KCNQ1: variants seen among roughly 807,000 people sequenced by gnomAD.
KCNQ1 encodes potassium voltage-gated channel subfamily KQT member 1.
Under a neutral mutation model 72.4 loss-of-function variants are expected in KCNQ1, and 49 were observed. That is an observed-to-expected ratio of 0.68 (90% CI 0.54 to 0.86). The LOEUF (loss-of-function observed/expected upper bound fraction) is 0.86, where lower values mean the gene tolerates loss of function less well. Ranked by LOEUF, KCNQ1 falls within the 40% of genes least tolerant of loss-of-function variation. The pLI, the probability that KCNQ1 is intolerant of heterozygous loss-of-function variation, is 0.00. For synonymous variants in KCNQ1, 450 were observed against 412.6 expected (o/e 1.09, Z -1.10); for missense variants, 790 against 945.1 (o/e 0.84, Z 2.15).
intron 13 of KCNQ1, 25 bp from the exon 14 acceptor site, chr11:2,776,961 C>T (rs771554882): frequency 1.7e-5 from 27 of 1,612,990 alleles, no homozygotes; most frequent in African/African-American, 1.3e-5. Flanking sequence ...CAGGTGTGAA[C>T]TGGTGTCTGT....
At chr11:2,805,346 C>T (rs189498370) in intron 15 of KCNQ1, among the ~76,000 whole-genome samples, 5 of 152,230 alleles carry the variant, frequency 3.3e-5, no homozygotes, top group South Asian at 2.1e-4. Context: ...AAACTGCAGC[C>T]GACGACGGAG....
At chr11:2,753,234 C>G (rs573694142) in intron 11 of KCNQ1, among the ~76,000 whole-genome samples, 30 of 152,272 alleles carry the variant, frequency 2.0e-4, no homozygotes, top group African/African-American at 7.2e-4. Context: ...GTCACGAGAT[C>G]TTCAGTCTGT....
chr11:2,468,793 T>C lies in KCNQ1; in HGVS notation c.386+23309T>C, dbSNP rs919933790. 6.6e-6 allele frequency among the ~76,000 whole-genome samples: 1 copy of C among 152,214 alleles called. No homozygotes were observed. The highest frequency in any genetic ancestry group is 6.5e-5 in the Admixed American group (1 of 15,274). On this transcript the variant is annotated intron_variant, in intron 1 of 15. Coordinates refer to ENST00000155840, the MANE Select transcript of KCNQ1 (RefSeq NM_000218.3). This position sits in a 1 kb window ranked among gnomAD's most constrained non-coding sequence, Gnocchi z 5.7. ...CCTACTTTGCCGATCCATGCACCTG[T>C]TGATGGACATGTGGGCGGCTGTATC...
rs144090125 is a variant in KCNQ1 at position 2,808,298 on chromosome 11, G to A, written c.1794+30261G>A. Among the ~76,000 whole-genome samples, 69 of 152,354 alleles carry A rather than the reference G, an allele frequency of 4.5e-4. No individual in the cohort carries two copies. The highest frequency in any genetic ancestry group is 1.6e-3 in the African/African-American group (68 of 41,578). ...TGGAAGATAATGGAGGTGTTACGGG[G>A]ATGGGCTAGAACTCGGTCCTGGCAT... On this transcript the variant is annotated intron_variant, in intron 15 of 15. Transcript: ENST00000155840. The surrounding 1 kb of genome is among the most constrained non-coding windows in gnomAD (Gnocchi z 6.0).
chr11:2,678,972 A>C lies in KCNQ1; in HGVS notation c.1514+16891A>C. 2 of 398,652 alleles carry C rather than the reference A, an allele frequency of 5.0e-6. No individual in the cohort carries two copies. The highest frequency in any genetic ancestry group is 8.8e-6 in the Non-Finnish European group (2 of 226,064). The allele number at this position is 398,652 out of a possible 1,614,324, so 24.7% of individuals were successfully genotyped here. On this transcript the variant is annotated intron_variant, in intron 11 of 15. Transcript: ENST00000155840. The surrounding 1 kb of genome is among the most constrained non-coding windows in gnomAD (Gnocchi z 4.9). ...CTCAATAGAGAACAAAAGAGCAAAT[A>C]GGCCTAATTCAAGAATTTTTAAAAA...
chr11:2,618,438 A>G lies in KCNQ1; in HGVS notation c.1393+29584A>G, dbSNP rs547111834. 7.5e-4 allele frequency: 299 copies of G among 398,562 alleles called. No individual in the cohort carries two copies. The highest frequency in any genetic ancestry group is 5.6e-3 in the African/African-American group (274 of 48,754). 24.7% of individuals were successfully genotyped at this position (398,562 alleles called of 1,614,324 possible). A position where few individuals can be genotyped will look rare whatever the true frequency, so the allele number is the denominator to read the frequency against. ...GACAAGCCACAGAACTGGGTTTCCT[A>G]ACGTCATTTATGAGAGAGACTATCT... On this transcript the variant is annotated intron_variant, in intron 10 of 15. Coordinates refer to ENST00000155840, the MANE Select transcript of KCNQ1 (RefSeq NM_000218.3).
chr11:2,690,993 T>A lies in KCNQ1; in HGVS notation c.1514+28912T>A, dbSNP rs1850578984. The A allele has an allele frequency of 2.5e-6, 1 of 398,502 alleles. No individual in the cohort carries two copies. The allele number at this position is 398,502 out of a possible 1,614,324, so 24.7% of individuals were successfully genotyped here. A position where few individuals can be genotyped will look rare whatever the true frequency, so the allele number is the denominator to read the frequency against. On this transcript the variant is annotated intron_variant, in intron 11 of 15. Coordinates refer to ENST00000155840, the MANE Select transcript of KCNQ1 (RefSeq NM_000218.3). This position sits in a 1 kb window ranked among gnomAD's most constrained non-coding sequence, Gnocchi z 5.1. ...CAACAAAAGCCCACCAGACCATCAA[T>A]GAAGTGGGCAAAAGCTCTGGGTGAA...
At position 2,645,261 on chromosome 11, in the gene KCNQ1, G is replaced by C; in HGVS notation, c.1394-16700G>C. On this transcript the variant is annotated intron_variant, in intron 10 of 15. Transcript: ENST00000155840. The surrounding 1 kb of genome is among the most constrained non-coding windows in gnomAD (Gnocchi z 5.8). ...GTGAATGCCAGTTGTGGTGGTAATG[G>C]TCAGTTGGGTAGGGCAGTCCTCAAG... 1 of 398,748 alleles carries C rather than the reference G, an allele frequency of 2.5e-6. No homozygotes were observed. Among genetic ancestry groups the C allele is most frequent in the Non-Finnish European group, 4.4e-6 (1 of 226,214 alleles). 24.7% of individuals were successfully genotyped at this position (398,748 alleles called of 1,614,324 possible). A position where few individuals can be genotyped will look rare whatever the true frequency, so the allele number is the denominator to read the frequency against.
At position 2,654,136 on chromosome 11, in the gene KCNQ1, G is replaced by T; in HGVS notation, c.1394-7825G>T. 1 of 398,508 alleles carries T rather than the reference G, an allele frequency of 2.5e-6. No homozygotes were observed. Among genetic ancestry groups the T allele is most frequent in the Middle Eastern group, 6.3e-4 (1 of 1,588 alleles). The allele number at this position is 398,508 out of a possible 1,614,324, so 24.7% of individuals were successfully genotyped here. ...CACAGGTGGTGGCGGGGCCACTCTG[G>T]CTCAGGGTCTATGAGCCGGGCATGG... On this transcript the variant is annotated intron_variant, in intron 10 of 15. Coordinates refer to ENST00000155840, the MANE Select transcript of KCNQ1 (RefSeq NM_000218.3). The surrounding 1 kb of genome is among the most constrained non-coding windows in gnomAD (Gnocchi z 6.4).
Position 2,662,013 on chromosome 11 carries a change from C to T in KCNQ1, c.1446C>T (p.Thr482=), listed in dbSNP as rs1060503982. 4.3e-6 allele frequency: 7 copies of T among 1,614,228 alleles called. No homozygotes were observed. Among genetic ancestry groups the T allele is most frequent in the African/African-American group, 2.7e-5 (2 of 75,058 alleles). ...LEVSMPHFMR[T]NSFAEDLDLE... Reference sequence around the variant, plus strand: ...TGAGCATGCCCCATTTCATGAGAACCAACAGCTTCGCCGAGGACCTGGACC... The same window carrying T: ...TGAGCATGCCCCATTTCATGAGAACTAACAGCTTCGCCGAGGACCTGGACC... Residue 482 remains threonine, a synonymous_variant, in exon 11 of 16, where the codon ACC becomes ACT. Transcript: ENST00000155840.
chr11:2,658,700 A>T lies in KCNQ1; in HGVS notation c.1394-3261A>T. The T allele has an allele frequency of 2.5e-6, 1 of 398,584 alleles. No homozygotes were observed. Among genetic ancestry groups the T allele is most frequent in the Non-Finnish European group, 4.4e-6 (1 of 226,052 alleles). 24.7% of individuals were successfully genotyped at this position (398,584 alleles called of 1,614,324 possible). On this transcript the variant is annotated intron_variant, in intron 10 of 15. Transcript: ENST00000155840. This position sits in a 1 kb window ranked among gnomAD's most constrained non-coding sequence, Gnocchi z 4.9. ...ACAGAGCTAGGAAATATATGTATGT[A>T]TGTAACCTGAGTACACATACATCTT...
intron 11 of KCNQ1, among the ~76,000 whole-genome samples, chr11:2,717,219 C>T (rs978796115): frequency 2.0e-5 from 3 of 152,146 alleles, no homozygotes; most frequent in African/African-American, 4.8e-5. Context: ...TCCCTCAGAC[C>T]CCACGGCTTG....
intron 15 of KCNQ1, among the ~76,000 whole-genome samples, chr11:2,842,182 C>T (rs143359150): frequency 6.3e-4 from 96 of 152,316 alleles, no homozygotes; most frequent in African/African-American, 2.2e-3. Flanking sequence ...AGCCCCACCA[C>T]AGGCGCCAGT....
At chr11:2,675,806 G>A (rs897342564) in intron 11 of KCNQ1, 10 of 398,606 alleles carry the variant, frequency 2.5e-5, no homozygotes, top group Non-Finnish European at 3.5e-5. Context: ...TACCAGCCAC[G>A]TGCATGCAGG....
chr11:2,487,485 G>C (rs1459927058), intron 1 of KCNQ1, among the ~76,000 whole-genome samples: 1 of 152,076 alleles, frequency 6.6e-6, no homozygotes, highest in African/African-American at 2.4e-5. Flanking sequence ...TCTCAACATT[G>C]TCTTCTAATC....
chr11:2,778,996 G>C (rs994454701), intron 15 of KCNQ1, among the ~76,000 whole-genome samples: 3 of 152,214 alleles, frequency 2.0e-5, no homozygotes, highest in African/African-American at 4.8e-5. Context: ...GGCGGCCGTG[G>C]GGCCCTGAGA....
In KCNQ1 at chr11:2,478,307, CTA is replaced by C; in HGVS notation, c.386+32825_386+32826del. ...AGAAATGTGATGCCTAAGTGGGAGT[CTA>C]TGATTCCACTATGTTATGTATTAGT... is the stretch of plus-strand genomic sequence containing the variant. On this transcript the variant is annotated intron_variant, in intron 1 of 15. Transcript: ENST00000155840. The surrounding 1 kb of genome is among the most constrained non-coding windows in gnomAD (Gnocchi z 4.0). Among the ~76,000 whole-genome samples, 1 of 152,286 alleles carries C rather than the reference CTA, an allele frequency of 6.6e-6. No homozygotes were observed. The highest frequency in any genetic ancestry group is 1.5e-5 in the Non-Finnish European group (1 of 68,024).
chr11:2,630,096 A>T (rs984925826), intron 10 of KCNQ1: 1 of 398,316 alleles, frequency 2.5e-6, no homozygotes, highest in Middle Eastern at 6.3e-4. Context: ...CATTCCTTCT[A>T]TACCTAATTT....
chr11:2,778,178 A>G, intron 15 of KCNQ1, 141 bp downstream of exon 15: 2 of 844,172 alleles, frequency 2.4e-6, no homozygotes, highest in Non-Finnish European at 3.9e-6. Flanking sequence ...CTGCCCAGCA[A>G]CTCCCAAGAG....
Sources: gnomAD v4.1 joint callset for allele counts (sites outside exome capture counted in the v4.1 genomes callset) on GRCh38, gnomAD v4.1.1 for gene constraint, Gnocchi (gnomAD v3.1) non-coding constraint, MANE v1.5 for transcripts, NCBI Gene and HGNC (gene_info 2026-07-23, HGNC 2026-07-21) for gene names.